PKD2: variants seen among roughly 807,000 people sequenced by gnomAD.
PKD2 encodes polycystin 2, transient receptor potential cation channel.
A neutral mutation model predicts 105.9 loss-of-function variants in PKD2; 48 were observed. The observed-to-expected ratio is 0.45, with a 90% confidence interval of 0.36 to 0.58. PKD2 has a LOEUF of 0.58. Ranked by LOEUF, PKD2 falls within the 20% of genes least tolerant of loss-of-function variation. The pLI is 0.00. For synonymous variants in PKD2, 464 were observed against 481.1 expected, an observed-to-expected ratio of 0.96 and a Z score of 0.46; for missense variants, 1,078 against 1,255.3, an observed-to-expected ratio of 0.86 and a Z score of 2.13.
intron 2 of PKD2, among the ~76,000 whole-genome samples, chr4:88,025,859 T>C (rs1314134522): frequency 6.6e-6 from 1 of 152,136 alleles, no homozygotes; most frequent in Non-Finnish European, 1.5e-5. Flanking sequence ...ACCCCTTCTT[T>C]TTCTCTCTCC....
intron 2 of PKD2, among the ~76,000 whole-genome samples, chr4:88,032,282 AT>A (rs1370583863): frequency 1.8e-4 from 27 of 152,216 alleles, no homozygotes; most frequent in African/African-American, 6.5e-4. Flanking sequence ...TTGAACCTAT[AT>A]TTTTCAACAT....
At chr4:88,008,468 C>G in intron 1 of PKD2, 140 bp downstream of exon 1, 4 of 1,115,056 alleles carry the variant, frequency 3.6e-6, no homozygotes, top group Non-Finnish European at 4.8e-6. Context: ...GCGCATTCCC[C>G]ACCTCCGCTA....
At chr4:88,009,520 A>G (rs1288292506) in intron 1 of PKD2, among the ~76,000 whole-genome samples, 1 of 152,004 alleles carries the variant, frequency 6.6e-6, no homozygotes, top group Non-Finnish European at 1.5e-5. Context: ...GATGATCATA[A>G]CGCTTAGGAC....
At chr4:88,057,955 AT>A in intron 8 of PKD2, 27 bp from the exon 9 acceptor site, 1 of 1,547,966 alleles carries the variant, frequency 6.5e-7, no homozygotes, top group Non-Finnish European at 8.9e-7. Context: ...TTGTTTTTGT[AT>A]TGTGGTGTTT....
intron 4 of PKD2, 27 bp downstream of exon 4, chr4:88,038,528 C>G: frequency 1.2e-6 from 2 of 1,609,842 alleles, no homozygotes; most frequent in South Asian, 2.2e-5. Flanking sequence ...CATTGCCACT[C>G]GGTGATATTC....
intron 4 of PKD2, 31 bp downstream of exon 4, chr4:88,038,532 G>A: frequency 6.2e-7 from 1 of 1,610,108 alleles, no homozygotes; most frequent in Non-Finnish European, 8.5e-7. Context: ...GCCACTCGGT[G>A]ATATTCATTC....
Position 88,068,080 on chromosome 4 carries a change from G to A in PKD2, c.2522+19G>A. 4 of 1,610,678 alleles carry A rather than the reference G, an allele frequency of 2.5e-6. No individual in the cohort carries two copies. Among genetic ancestry groups the A allele is most frequent in the Non-Finnish European group, 3.4e-6 (4 of 1,176,928 alleles). On this transcript the variant is annotated intron_variant, in intron 13 of 14. Coordinates refer to ENST00000237596, the MANE Select transcript of PKD2 (RefSeq NM_000297.4). The stretch of plus-strand genomic sequence containing the variant: ...TTCAAGTGTAAGTATAAAGGAATTG[G>A]CAGAATTTGCGTTGACAAGAGTCCA...
At chr4:88,028,947 C>G (rs927143436) in intron 2 of PKD2, among the ~76,000 whole-genome samples, 9 of 152,202 alleles carry the variant, frequency 5.9e-5, no homozygotes, top group Non-Finnish European at 1.3e-4. Context: ...GCCTTTACCC[C>G]TTAAAGATTT....
chr4:88,040,375 T>C (rs1727516222), intron 4 of PKD2, among the ~76,000 whole-genome samples: 1 of 152,230 alleles, frequency 6.6e-6, no homozygotes, highest in Non-Finnish European at 1.5e-5. Context: ...CCTTGAACAA[T>C]GCCTCATATG....
At chr4:88,070,601 T>TATATATATATATATAGAG (rs1313482750) in intron 13 of PKD2, among the ~76,000 whole-genome samples, 1 of 91,482 alleles carries the variant, frequency 1.1e-5, no homozygotes, top group African/African-American at 4.2e-5. Context: ...TATATATATA[T>TATATATATATATATAGAG]AGAGAGAGAG....
intron 2 of PKD2, among the ~76,000 whole-genome samples, chr4:88,024,659 A>G (rs1370117671): frequency 6.6e-6 from 1 of 152,138 alleles, no homozygotes; most frequent in Non-Finnish European, 1.5e-5. Context: ...CACAAAAGTT[A>G]GCTGAGTCAA....
intron 2 of PKD2, among the ~76,000 whole-genome samples, chr4:88,028,742 C>G (rs546128734): frequency 6.6e-6 from 1 of 152,290 alleles, no homozygotes; most frequent in South Asian, 2.1e-4. Context: ...AGGAAAAGAT[C>G]AAAATTCAAA....
At chr4:88,023,135 GAAAA>G (rs1434812259) in intron 2 of PKD2, among the ~76,000 whole-genome samples, 5 of 151,870 alleles carry the variant, frequency 3.3e-5, no homozygotes, top group African/African-American at 9.7e-5. Context: ...AAATAGAAAA[GAAAA>G]AGAAAGAAAA....
rs147000344 is a variant in PKD2, at chr4:88,036,262, G to A, written c.752G>A (p.Arg251Gln). The change falls in exon 3 of 15, where the codon CGG (arginine) becomes CAG (glutamine). Residue 251 changes from arginine to glutamine, a missense_variant. Coordinates refer to ENST00000237596, the MANE Select transcript of PKD2 (RefSeq NM_000297.4). ...AGCTCCAATGTGTACTACTACACCC[G>A]GATGATGTCACAGCTCTTCCTAGAC... ...MMSSNVYYYT[R>Q]MMSQLFLDTP... 79 of 1,613,752 alleles carry A rather than the reference G, an allele frequency of 4.9e-5. No individual in the cohort carries two copies. Among genetic ancestry groups the A allele is most frequent in the African/African-American group, 2.9e-4 (22 of 74,992 alleles).
chr4:88,064,559 G>A (rs2725205), intron 10 of PKD2, among the ~76,000 whole-genome samples: 44,978 of 151,924 alleles, frequency 0.3, 9,742 homozygotes, highest in African/African-American at 0.6. Flanking sequence ...TTACAGTGCC[G>A]CACTATGTGC....
chr4:88,016,534 A>G (rs1386059975), intron 1 of PKD2, among the ~76,000 whole-genome samples: 1 of 152,146 alleles, frequency 6.6e-6, no homozygotes, highest in Non-Finnish European at 1.5e-5. Flanking sequence ...AGATGCAACT[A>G]TTTCTCACCC....
At chr4:88,055,304 C>A (rs953412492) in intron 7 of PKD2, among the ~76,000 whole-genome samples, 3 of 152,152 alleles carry the variant, frequency 2.0e-5, no homozygotes, top group African/African-American at 7.2e-5. Context: ...TATTATGCAA[C>A]AAGAATTTCC....
At chr4:88,070,593 TATATATATAG>T (rs1327116082) in intron 13 of PKD2, among the ~76,000 whole-genome samples, 27 of 108,484 alleles carry the variant, frequency 2.5e-4, no homozygotes, top group Admixed American at 9.0e-4. Flanking sequence ...TATATATATA[TATATATATAG>T]AGAGAGAGAG....
intron 10 of PKD2, among the ~76,000 whole-genome samples, chr4:88,063,010 T>G (rs1720636835): frequency 6.6e-6 from 1 of 152,198 alleles, no homozygotes; most frequent in Non-Finnish European, 1.5e-5. Context: ...TCATAGTATA[T>G]TAACTCTGAG....
Sources: gnomAD v4.1 joint callset for allele counts (sites outside exome capture counted in the v4.1 genomes callset) on GRCh38, gnomAD v4.1.1 for gene constraint, MANE v1.5 for transcripts, NCBI Gene and HGNC (gene_info 2026-07-23, HGNC 2026-07-21) for gene names.